The following SIPA1L1 variants were observed in gnomAD, a reference collection of about 807,000 sequenced individuals.
The protein encoded by SIPA1L1 is signal induced proliferation associated 1 like 1.
SIPA1L1 carries 26 observed loss-of-function variants against 162.7 expected under a neutral mutation model. That is an observed-to-expected ratio of 0.16 (90% CI 0.12 to 0.22). The LOEUF (loss-of-function observed/expected upper bound fraction) is 0.22. Among genes scored for constraint, SIPA1L1 ranks in the 10% least tolerant of loss-of-function variants. SIPA1L1 has a pLI of 1.00. For synonymous variants in SIPA1L1, 829 were observed against 837.4 expected (o/e 0.99, Z 0.17); for missense variants, 1,874 against 2,241.0 (o/e 0.84, Z 3.31).
At chr14:71,633,110 TTGTTATGTTATGTTA>T (rs58429457) in intron 7 of SIPA1L1, among the ~76,000 whole-genome samples, 16 of 137,338 alleles carry the variant, frequency 1.2e-4, no homozygotes, top group Non-Finnish European at 1.6e-4. Context: ...ACAAGCATGA[TTGTTATGTTATGTTA>T]TGTTATGTTA....
Position 71,624,150 on chromosome 14 carries a change from G to C in SIPA1L1, c.1732G>C (p.Val578Leu). Residue 578 changes from valine to leucine, a missense_variant, in exon 7 of 24, where the codon GTT becomes CTT. This residue lies in a region of SIPA1L1 where 685 missense variants were observed against 828.0 expected (regional missense o/e 0.83). Coordinates refer to ENST00000381232, the MANE Select transcript of SIPA1L1 (RefSeq NM_001386936.1). Reference sequence around the variant, plus strand: ...TCTCAAAGAAGTGCTGGAGCACGTGGTTCCTGAGCTCAATGTCCAGTGCCT... The same window carrying C: ...TCTCAAAGAAGTGCTGGAGCACGTGCTTCCTGAGCTCAATGTCCAGTGCCT... ...LPLKEVLEHV[V>L]PELNVQCLRL... The C allele has an allele frequency of 6.2e-7, 1 of 1,614,212 alleles. No homozygotes were observed. The highest frequency in any genetic ancestry group is 1.3e-5 in the African/African-American group (1 of 75,052).
intron 4 of SIPA1L1, among the ~76,000 whole-genome samples, chr14:71,559,768 A>T (rs2056634846): frequency 6.6e-6 from 1 of 152,198 alleles, no homozygotes; most frequent in Non-Finnish European, 1.5e-5. Context: ...TAAAATTTCC[A>T]AAAGCATGTT....
intron 2 of SIPA1L1, among the ~76,000 whole-genome samples, chr14:71,348,843 T>C (rs555416418): frequency 6.6e-6 from 1 of 152,332 alleles, no homozygotes; most frequent in East Asian, 1.9e-4. Flanking sequence ...AACAAGTTCT[T>C]ACTCACTTAA....
chr14:71,533,334 G>T (rs2145446770), intron 4 of SIPA1L1, among the ~76,000 whole-genome samples: 1 of 152,212 alleles, frequency 6.6e-6, no homozygotes, highest in South Asian at 2.1e-4. Flanking sequence ...ACTTTTCCTA[G>T]AGTACCCTTT....
chr14:71,734,240 C>CG (rs1462448486), intron 21 of SIPA1L1, among the ~76,000 whole-genome samples: 1 of 152,256 alleles, frequency 6.6e-6, no homozygotes, highest in Admixed American at 6.5e-5. Context: ...CCCTCATCTC[C>CG]GTGCGCGGTA....
At chr14:71,649,161 C>T (rs1371992731) in intron 7 of SIPA1L1, among the ~76,000 whole-genome samples, 1 of 151,772 alleles carries the variant, frequency 6.6e-6, no homozygotes, top group Non-Finnish European at 1.5e-5. Context: ...AAGAATTGTC[C>T]CAATGTCATT....
intron 2 of SIPA1L1, among the ~76,000 whole-genome samples, chr14:71,347,585 G>T (rs1003767003): frequency 6.6e-6 from 1 of 152,090 alleles, no homozygotes; most frequent in Non-Finnish European, 1.5e-5. Context: ...AGGAACTGCC[G>T]GACTGTTTTC....
intron 2 of SIPA1L1, among the ~76,000 whole-genome samples, chr14:71,367,558 T>G (rs1045493628): frequency 3.3e-5 from 5 of 150,794 alleles, no homozygotes; most frequent in Non-Finnish European, 5.9e-5. Flanking sequence ...TCTGCCCGCC[T>G]CGGCCTCCCA....
intron 3 of SIPA1L1, among the ~76,000 whole-genome samples, chr14:71,515,145 TAAAG>T (rs983854304): frequency 6.6e-6 from 1 of 152,332 alleles, no homozygotes; most frequent in African/African-American, 2.4e-5. Context: ...AAAAATTTCA[TAAAG>T]AACCTGATTA....
intron 2 of SIPA1L1, among the ~76,000 whole-genome samples, chr14:71,448,269 A>G (rs1167817722): frequency 6.6e-6 from 1 of 152,152 alleles, no homozygotes; most frequent in Non-Finnish European, 1.5e-5. Context: ...ATCCACACCA[A>G]TGATTATAGT....
intron 8 of SIPA1L1, among the ~76,000 whole-genome samples, chr14:71,655,297 G>T (rs1473605766): frequency 6.6e-6 from 1 of 152,124 alleles, no homozygotes; most frequent in Non-Finnish European, 1.5e-5. Context: ...CCAGGGAGAT[G>T]ATGATGTTCT....
intron 4 of SIPA1L1, among the ~76,000 whole-genome samples, chr14:71,538,032 G>T (rs2054056287): frequency 6.6e-6 from 1 of 151,974 alleles, no homozygotes; most frequent in Non-Finnish European, 1.5e-5. Context: ...TTTGTTAACT[G>T]CAGGGGGAAA....
chr14:71,437,193 C>T (rs757017421), intron 2 of SIPA1L1, among the ~76,000 whole-genome samples: 42 of 152,028 alleles, frequency 2.8e-4, no homozygotes, highest in Non-Finnish European at 4.9e-4. Context: ...TATTTCTCAT[C>T]TGCTTTTAAA....
At chr14:71,387,248 CA>C (rs398025583) in intron 2 of SIPA1L1, among the ~76,000 whole-genome samples, 573 of 53,826 alleles carry the variant, frequency 0.011, no homozygotes, top group African/African-American at 0.032. Context: ...AACTCTGTCT[CA>C]AAAAAAAAAA....
chr14:71,702,282 G>A, intron 14 of SIPA1L1, 99 bp from the exon 15 acceptor site: 2 of 1,308,634 alleles, frequency 1.5e-6, no homozygotes, highest in Non-Finnish European at 2.2e-6. Context: ...AAAACCAGTA[G>A]TGCCTGTCAT....
intron 2 of SIPA1L1, among the ~76,000 whole-genome samples, chr14:71,444,636 A>G (rs1162192139): frequency 6.6e-6 from 1 of 152,114 alleles, no homozygotes; most frequent in East Asian, 1.9e-4. Flanking sequence ...TGTGACTGTG[A>G]AAAGCAAGAC....
At chr14:71,580,254 G>T (rs2033735672) in intron 4 of SIPA1L1, among the ~76,000 whole-genome samples, 1 of 152,174 alleles carries the variant, frequency 6.6e-6, no homozygotes, top group African/African-American at 2.4e-5. Flanking sequence ...GTGTTGGTGT[G>T]AGTCCACATA....
chr14:71,631,295 A>G (rs1333480372), intron 7 of SIPA1L1, among the ~76,000 whole-genome samples: 1 of 152,064 alleles, frequency 6.6e-6, no homozygotes, highest in African/African-American at 2.4e-5. Context: ...TTCATTTAGG[A>G]ATATATTTTT....
chr14:71,334,948 T>C (rs1051339629), intron 2 of SIPA1L1, among the ~76,000 whole-genome samples: 1 of 152,228 alleles, frequency 6.6e-6, no homozygotes, highest in Admixed American at 6.5e-5. Flanking sequence ...TAAATAGTTA[T>C]ATATTTGAAA....
Sources: gnomAD v4.1 joint callset for allele counts (sites outside exome capture counted in the v4.1 genomes callset) on GRCh38, gnomAD v4.1.1 for gene constraint, gnomAD v4.1.1 regional missense constraint, MANE v1.5 for transcripts, NCBI Gene and HGNC (gene_info 2026-07-23, HGNC 2026-07-21) for gene names.